The following EXOC4 variants were observed in gnomAD, a reference collection of about 807,000 sequenced individuals.
The protein encoded by EXOC4 is SEC8-like 1.
Under a neutral mutation model 107.2 loss-of-function variants are expected in EXOC4, and 71 were observed. The observed-to-expected ratio is 0.66, with a 90% confidence interval of 0.55 to 0.81. The LOEUF is 0.81. EXOC4 is among the 30% of genes least tolerant of loss of function. The pLI is 0.00. For synonymous variants in EXOC4, 456 were observed against 441.2 expected (o/e 1.03, Z -0.42); for missense variants, 1,108 against 1,189.6 (o/e 0.93, Z 1.01).
chr7:133,571,516 A>G (rs1025066193), intron 9 of EXOC4, among the ~76,000 whole-genome samples: 3 of 151,992 alleles, frequency 2.0e-5, no homozygotes, highest in African/African-American at 7.3e-5. Flanking sequence ...TAAATATACA[A>G]AAACTTAGCC....
intron 11 of EXOC4, among the ~76,000 whole-genome samples, chr7:133,874,905 T>C (rs1798818329): frequency 6.6e-6 from 1 of 152,214 alleles, no homozygotes; most frequent in Non-Finnish European, 1.5e-5. Context: ...TTTTGGGGGC[T>C]GTTTATTGGC....
intron 11 of EXOC4, among the ~76,000 whole-genome samples, chr7:133,873,555 T>A (rs2116406656): frequency 6.6e-6 from 1 of 152,338 alleles, no homozygotes; most frequent in Non-Finnish European, 1.5e-5. Context: ...GCTGTCCTTT[T>A]TGCTGATGTT....
chr7:134,086,978 A>G, the EXOC4 span, among the ~76,000 whole-genome samples: 2 of 152,144 alleles, frequency 1.3e-5, no homozygotes, highest in Non-Finnish European at 2.9e-5. Flanking sequence ...GTCACTCTTC[A>G]TGGCCATCTT....
intron 12 of EXOC4, among the ~76,000 whole-genome samples, chr7:133,907,791 G>A (rs10156088): frequency 0.47 from 70,637 of 151,152 alleles, 17,830 homozygotes; most frequent in African/African-American, 0.66. Context: ...GTGAGGACTC[G>A]GTCTGGAAAG....
intron 9 of EXOC4, among the ~76,000 whole-genome samples, chr7:133,586,911 A>G (rs1294947268): frequency 6.6e-6 from 1 of 151,772 alleles, no homozygotes; most frequent in Non-Finnish European, 1.5e-5. Flanking sequence ...GCTCACTGCA[A>G]CCTCTGCCTC....
At chr7:133,412,147 A>T (rs1236662788) in intron 7 of EXOC4, among the ~76,000 whole-genome samples, 1 of 151,968 alleles carries the variant, frequency 6.6e-6, no homozygotes, top group African/African-American at 2.4e-5. Flanking sequence ...GTTGCTTTTG[A>T]TGGGCTATTA....
intron 14 of EXOC4, among the ~76,000 whole-genome samples, chr7:133,946,323 G>T (rs1800548215): frequency 1.3e-5 from 2 of 152,048 alleles, no homozygotes; most frequent in South Asian, 4.2e-4. Flanking sequence ...ATTTACCATT[G>T]GTATTGTATT....
chr7:134,084,970 G>T, the EXOC4 span, among the ~76,000 whole-genome samples: 1 of 152,254 alleles, frequency 6.6e-6, no homozygotes, highest in South Asian at 2.1e-4. Flanking sequence ...CATAAAAACA[G>T]CTGGGTTGGT....
intron 10 of EXOC4, among the ~76,000 whole-genome samples, chr7:133,659,283 A>G (rs567241044): frequency 5.3e-5 from 8 of 152,132 alleles, no homozygotes; most frequent in Non-Finnish European, 1.0e-4. Flanking sequence ...TATTTCATAG[A>G]GTTGCTGAAG....
intron 7 of EXOC4, among the ~76,000 whole-genome samples, chr7:133,383,740 A>C (rs923162314): frequency 2.0e-5 from 3 of 152,200 alleles, no homozygotes; most frequent in Admixed American, 6.5e-5. Context: ...AAAGTAAAAC[A>C]AACCTATTTT....
At chr7:133,502,299 A>G (rs1799590628) in intron 9 of EXOC4, among the ~76,000 whole-genome samples, 1 of 152,298 alleles carries the variant, frequency 6.6e-6, no homozygotes, top group South Asian at 2.1e-4. Context: ...TTGGTGGCCT[A>G]TTTGCTATGC....
At chr7:133,274,179 G>A (rs1005754062) in intron 1 of EXOC4, among the ~76,000 whole-genome samples, 1 of 152,182 alleles carries the variant, frequency 6.6e-6, no homozygotes, top group African/African-American at 2.4e-5. Flanking sequence ...TGCGGGAACC[G>A]TCCTGTAGGA....
intron 9 of EXOC4, among the ~76,000 whole-genome samples, chr7:133,582,705 T>C (rs1184998129): frequency 1.3e-5 from 2 of 152,124 alleles, no homozygotes; most frequent in Non-Finnish European, 2.9e-5. Flanking sequence ...ATCATGGGGC[T>C]AATGATTAAA....
At chr7:133,529,489 T>A (rs1246910310) in intron 9 of EXOC4, among the ~76,000 whole-genome samples, 5 of 152,210 alleles carry the variant, frequency 3.3e-5, no homozygotes, top group Admixed American at 2.6e-4. Context: ...ATTACTCCAT[T>A]TGATTGTAGC....
At chr7:133,369,838 C>G (rs1203043895) in intron 6 of EXOC4, among the ~76,000 whole-genome samples, 2 of 108,478 alleles carry the variant, frequency 1.8e-5, no homozygotes, top group African/African-American at 3.9e-5. Context: ...CGGAGTTTCG[C>G]TCTTATTGCC....
At chr7:133,414,219 A>G (rs1797423869) in intron 7 of EXOC4, among the ~76,000 whole-genome samples, 1 of 152,194 alleles carries the variant, frequency 6.6e-6, no homozygotes, top group Non-Finnish European at 1.5e-5. Flanking sequence ...CAATTATAAA[A>G]GATGCTTAAC....
At chr7:133,604,687 T>TTTCCTTCCTTCCTTCC (rs1335117999) in intron 9 of EXOC4, among the ~76,000 whole-genome samples, 6 of 148,232 alleles carry the variant, frequency 4.0e-5, no homozygotes, top group African/African-American at 1.5e-4. Context: ...TTTCTTTTTC[T>TTTCCTTCCTTCCTTCC]TTCCTTCCTT....
At chr7:134,049,274 A>G (rs1795727740) in intron 17 of EXOC4, among the ~76,000 whole-genome samples, 1 of 152,200 alleles carries the variant, frequency 6.6e-6, no homozygotes, top group South Asian at 2.1e-4. Context: ...TGAATAATCT[A>G]GGCAAAATAA....
At chr7:134,029,133 G>T (rs772868947) in intron 17 of EXOC4, among the ~76,000 whole-genome samples, 1 of 152,174 alleles carries the variant, frequency 6.6e-6, no homozygotes, top group Non-Finnish European at 1.5e-5. Context: ...GAGGGATGAC[G>T]TACCCTCAGT....
Sources: gnomAD v4.1 joint callset for allele counts (sites outside exome capture counted in the v4.1 genomes callset) on GRCh38, gnomAD v4.1.1 for gene constraint, MANE v1.5 for transcripts, NCBI Gene and HGNC (gene_info 2026-07-23, HGNC 2026-07-21) for gene names.